CSMD1: variants seen among roughly 807,000 people sequenced by gnomAD.
CSMD1 encodes the protein CUB and sushi domain-containing protein 1.
A neutral mutation model predicts 417.5 loss-of-function variants in CSMD1; 213 were observed. The observed-to-expected ratio is 0.51, with a 90% CI of 0.46 to 0.57. The LOEUF is 0.57. Among genes scored for constraint, CSMD1 ranks in the 20% least tolerant of loss-of-function variants. The probability of loss-of-function intolerance (pLI) is 0.00; values close to 1 mark genes in which losing one functional copy is unlikely to be tolerated. For missense variants in CSMD1, 6,923 were observed against 4,529.7 expected (o/e 1.53, Z -15.17); for synonymous variants, 2,862 against 1,736.8 (o/e 1.65, Z -16.11).
Position 4,200,001 on chromosome 8 carries a change from G to C in CSMD1, c.416-167902C>G, listed in dbSNP as rs148236141. Among the ~76,000 whole-genome samples, 1,377 of 152,182 alleles carry C rather than the reference G, an allele frequency of 9.0e-3. 20 individuals carry two copies. Among genetic ancestry groups the C allele is most frequent in the African/African-American group, 0.031 (1,274 of 41,502 alleles). ...TAATGGTGACTATTAAAAGTTCAAGGGCCCTGGACTTGTTGAAAATTATGT... is the reference window on the plus strand; with the variant it reads ...TAATGGTGACTATTAAAAGTTCAAGCGCCCTGGACTTGTTGAAAATTATGT... On this transcript the variant is annotated intron_variant, in intron 3 of 69. Coordinates refer to ENST00000635120, the MANE Select transcript of CSMD1 (RefSeq NM_033225.6).
At chr8:4,156,732 A>C (rs978367751) in intron 3 of CSMD1, among the ~76,000 whole-genome samples, 2 of 152,170 alleles carry the variant, frequency 1.3e-5, no homozygotes, top group Non-Finnish European at 2.9e-5. Flanking sequence ...CAGTGGGGCC[A>C]GTGACAGCTT....
chr8:3,611,616 C>A (rs909882409), intron 8 of CSMD1, among the ~76,000 whole-genome samples: 1 of 151,896 alleles, frequency 6.6e-6, no homozygotes, highest in Non-Finnish European at 1.5e-5. Context: ...AATTTTCTAA[C>A]GAAAATTAGA....
At chr8:3,169,456 C>T (rs1467970755) in intron 37 of CSMD1, among the ~76,000 whole-genome samples, 1 of 151,856 alleles carries the variant, frequency 6.6e-6, no homozygotes, top group Non-Finnish European at 1.5e-5. Context: ...CTCATATAAA[C>T]TATCTCTAGT....
At position 4,170,912 on chromosome 8, in the gene CSMD1, C is replaced by T. The variant is rs542793767; in HGVS notation, c.416-138813G>A. On this transcript the variant is annotated intron_variant, in intron 3 of 69. Coordinates refer to ENST00000635120, the MANE Select transcript of CSMD1 (RefSeq NM_033225.6). ...GCATTCAAATCACTTTTCCCATTCA[C>T]TTATTCCAATGCCTGTACAAGCTGT... Among the ~76,000 whole-genome samples the T allele has an allele frequency of 1.4e-3, 211 of 151,990 alleles. 8 individuals carry two copies. Among genetic ancestry groups the T allele is most frequent in the African/African-American group, 4.4e-3 (181 of 41,256 alleles).
chr8:4,554,886 T>C (rs1411802692), intron 2 of CSMD1, among the ~76,000 whole-genome samples: 1 of 152,052 alleles, frequency 6.6e-6, no homozygotes, highest in African/African-American at 2.4e-5. Context: ...GCCCAGGTGG[T>C]GATGATGGTG....
intron 26 of CSMD1, among the ~76,000 whole-genome samples, chr8:3,230,779 C>T (rs1226593244): frequency 6.6e-6 from 1 of 152,136 alleles, no homozygotes; most frequent in East Asian, 1.9e-4. Context: ...TTAATAACCC[C>T]CTTTCACTCA....
intron 5 of CSMD1, among the ~76,000 whole-genome samples, chr8:3,911,391 G>C (rs575432338): frequency 3.3e-5 from 5 of 151,902 alleles, no homozygotes; most frequent in Admixed American, 1.3e-4. Flanking sequence ...AGCTGGGTAT[G>C]GTGGCGGGCG....
At chr8:3,558,395 T>A (rs13276719) in intron 10 of CSMD1, among the ~76,000 whole-genome samples, 1 of 123,810 alleles carries the variant, frequency 8.1e-6, no homozygotes, top group Non-Finnish European at 1.9e-5. Flanking sequence ...CCGTGTCCAC[T>A]TCTCCAATGA....
At position 4,415,612 on chromosome 8, in the gene CSMD1, C is replaced by G. The variant is rs1216750347; in HGVS notation, c.415+4341G>C. On this transcript the variant is annotated intron_variant, in intron 3 of 69. Coordinates refer to ENST00000635120, the MANE Select transcript of CSMD1 (RefSeq NM_033225.6). ...TTGTTTCATTCTCCTTCACTAGTCA[C>G]TGACAATAAGCAGTATTCATTTCAT... 2.0e-5 allele frequency among the ~76,000 whole-genome samples: 3 copies of G among 152,188 alleles called. No homozygotes were observed. In the East Asian group the frequency reaches 5.8e-4, roughly 29 times the overall value.
intron 1 of CSMD1, among the ~76,000 whole-genome samples, chr8:4,665,198 G>A (rs1804842603): frequency 6.6e-6 from 1 of 151,892 alleles, no homozygotes; most frequent in Non-Finnish European, 1.5e-5. Context: ...AAACCCTGGC[G>A]GCTTCTTTCA....
At chr8:4,829,862 G>A (rs778621844) in intron 1 of CSMD1, among the ~76,000 whole-genome samples, 2 of 152,266 alleles carry the variant, frequency 1.3e-5, no homozygotes, top group Non-Finnish European at 1.5e-5. Flanking sequence ...GGGCTGGTCA[G>A]AGTGGTACAA....
chr8:4,504,077 C>A (rs112349251), intron 2 of CSMD1, among the ~76,000 whole-genome samples: 1 of 151,874 alleles, frequency 6.6e-6, no homozygotes, highest in Non-Finnish European at 1.5e-5. Context: ...CAGAAAAAAT[C>A]CTACTATGTC....
intron 10 of CSMD1, among the ~76,000 whole-genome samples, chr8:3,523,916 C>T (rs981990785): frequency 1.0e-4 from 15 of 150,004 alleles, no homozygotes; most frequent in African/African-American, 3.5e-4. Flanking sequence ...TGTACACGCA[C>T]ACACACATAT....
At chr8:4,203,450 T>C (rs916001985) in intron 3 of CSMD1, among the ~76,000 whole-genome samples, 1 of 152,148 alleles carries the variant, frequency 6.6e-6, no homozygotes, top group Non-Finnish European at 1.5e-5. Context: ...AAAAATCCAA[T>C]GTGCTTTTCT....
intron 4 of CSMD1, among the ~76,000 whole-genome samples, chr8:4,025,580 A>T (rs950343999): frequency 3.3e-5 from 5 of 152,218 alleles, no homozygotes; most frequent in African/African-American, 1.2e-4. Context: ...TGCCTGTAAG[A>T]AGTGAAACAG....
At chr8:3,141,613 T>C (rs1818484487) in intron 41 of CSMD1, among the ~76,000 whole-genome samples, 2 of 152,102 alleles carry the variant, frequency 1.3e-5, no homozygotes, top group South Asian at 2.1e-4. Flanking sequence ...GCTTGAGATA[T>C]GTTGCAGACC....
At chr8:3,076,500 A>T (rs1181304358) in intron 49 of CSMD1, among the ~76,000 whole-genome samples, 1 of 140,422 alleles carries the variant, frequency 7.1e-6, no homozygotes. Context: ...TAGCAGGCAG[A>T]ACCTGCAGAC....
intron 2 of CSMD1, among the ~76,000 whole-genome samples, chr8:4,471,645 G>A (rs368773690): frequency 2.6e-5 from 4 of 152,122 alleles, no homozygotes; most frequent in African/African-American, 4.8e-5. Flanking sequence ...TGGTTGGAAA[G>A]AACTGGGAAT....
chr8:3,386,379 G>A (rs1229003155), intron 18 of CSMD1, among the ~76,000 whole-genome samples: 2 of 152,072 alleles, frequency 1.3e-5, no homozygotes, highest in Non-Finnish European at 1.5e-5. Flanking sequence ...CATTCCCACC[G>A]GTTCCAGCTG....
Sources: gnomAD v4.1 joint callset for allele counts (sites outside exome capture counted in the v4.1 genomes callset) on GRCh38, gnomAD v4.1.1 for gene constraint, MANE v1.5 for transcripts, NCBI Gene and HGNC (gene_info 2026-07-23, HGNC 2026-07-21) for gene names.